Variants in NTM observed in about 807,000 individuals in gnomAD.
The protein encoded by NTM is neurotrimin.
In NTM, 13 loss-of-function variants were observed where a neutral mutation model predicts 42.1. The ratio of observed to expected loss-of-function variants is 0.31; its 90% CI spans 0.20 to 0.49. The LOEUF (loss-of-function observed/expected upper bound fraction) is 0.49. NTM is among the 20% of genes least tolerant of loss of function. The pLI, the probability that NTM is intolerant of heterozygous loss-of-function variation, is 0.99. For synonymous variants in NTM, 187 were observed against 179.2 expected (o/e 1.04, Z -0.35); for missense variants, 373 against 452.8 (o/e 0.82, Z 1.60).
chr11:132,081,892 A>AAC (rs2059110121), intron 2 of NTM, among the ~76,000 whole-genome samples: 4 of 149,098 alleles, frequency 2.7e-5, no homozygotes, highest in Admixed American at 2.0e-4. Context: ...AGCAAGACTA[A>AAC]ATATATATAT....
In NTM at chr11:131,561,465, T is replaced by A. The variant is rs144066952; in HGVS notation, c.82+190577T>A. On this transcript the variant is annotated intron_variant, in intron 1 of 8. Coordinates refer to ENST00000683400, the MANE Select transcript of NTM (RefSeq NM_001352005.2). ...TGGAAACAAAAGTTCCCCCATCCAT[T>A]GTATCCATGAAGAAGACAGAGTGAA... 6.6e-5 allele frequency among the ~76,000 whole-genome samples: 10 copies of A among 152,294 alleles called. No homozygotes were observed. The East Asian group carries it at 1.9e-3, about 29-fold the overall frequency.
At chr11:132,318,438 A>G (rs1424708761) in intron 7 of NTM, among the ~76,000 whole-genome samples, 1 of 152,156 alleles carries the variant, frequency 6.6e-6, no homozygotes, top group Non-Finnish European at 1.5e-5. Context: ...GTGGAACATC[A>G]TAGGGGGTCC....
chr11:131,908,740 T>C (rs115926210), intron 1 of NTM, among the ~76,000 whole-genome samples: 1,624 of 152,356 alleles, frequency 0.011, 30 homozygotes, highest in African/African-American at 0.037. Flanking sequence ...TATATCATCA[T>C]ATTTATCTTA....
chr11:131,795,051 A>G, intron 1 of NTM: 12 of 855,322 alleles, frequency 1.4e-5, no homozygotes, highest in Non-Finnish European at 1.5e-5. Flanking sequence ...GGGGGGAAAA[A>G]AACAGCACTA....
chr11:131,598,735 CT>C (rs1364475583), intron 1 of NTM, among the ~76,000 whole-genome samples: 2,160 of 91,234 alleles, frequency 0.024, 127 homozygotes, highest in African/African-American at 0.029. Flanking sequence ...TTCTTTCTTT[CT>C]TTCTTTCTTT....
chr11:131,404,234 C>T (rs1424142496), intron 1 of NTM, among the ~76,000 whole-genome samples: 4 of 152,160 alleles, frequency 2.6e-5, no homozygotes, highest in African/African-American at 7.2e-5. Context: ...CCCACTAAAG[C>T]TACTCTCATC....
At chr11:132,181,772 A>C (rs1013196296) in intron 3 of NTM, among the ~76,000 whole-genome samples, 2 of 152,124 alleles carry the variant, frequency 1.3e-5, no homozygotes, top group African/African-American at 4.8e-5. Context: ...AATGCTGGAC[A>C]TCCCAACAGG....
Position 132,146,770 on chromosome 11 carries a change from GCT to G in NTM, c.400+259_400+260del. On this transcript the variant is annotated intron_variant, in intron 3 of 8. Transcript: ENST00000683400. The surrounding 1 kb of genome is among the most constrained non-coding windows in gnomAD (Gnocchi z 4.5). ...CTCAGGAAATTATCTTGTAATTATT[GCT>G]CTTCTTGGCTTTTTTCTCCCCTAAG... 2.3e-6 allele frequency: 1 copy of G among 429,374 alleles called. No homozygotes were observed. The highest frequency in any genetic ancestry group is 4.1e-6 in the Non-Finnish European group (1 of 245,174). 26.6% of individuals were successfully genotyped at this position (429,374 alleles called of 1,614,324 possible).
chr11:131,702,458 A>G (rs1209209860), intron 1 of NTM, among the ~76,000 whole-genome samples: 1 of 152,178 alleles, frequency 6.6e-6, no homozygotes, highest in Non-Finnish European at 1.5e-5. Flanking sequence ...GAGACCCAGC[A>G]TCTTGTCCAA....
intron 1 of NTM, among the ~76,000 whole-genome samples, chr11:131,429,766 G>C (rs560251078): frequency 6.6e-6 from 1 of 152,076 alleles, no homozygotes; most frequent in Non-Finnish European, 1.5e-5. Context: ...ACAGTGTTGC[G>C]CTAATTGCAT....
At chr11:131,699,780 G>A (rs149675873) in intron 1 of NTM, among the ~76,000 whole-genome samples, 6 of 152,174 alleles carry the variant, frequency 3.9e-5, no homozygotes, top group African/African-American at 1.4e-4. Context: ...CAGCATGAAG[G>A]TAACCACCCC....
chr11:131,516,674 CT>C (rs2048933995), intron 1 of NTM, among the ~76,000 whole-genome samples: 1 of 152,188 alleles, frequency 6.6e-6, no homozygotes, highest in Admixed American at 6.5e-5. Context: ...AATTGGCCCC[CT>C]GACCCTTTAA....
rs1233764168 is a variant in NTM at position 131,641,029 on chromosome 11, ACAAG to A, written c.82+270145_82+270148del. On this transcript the variant is annotated intron_variant, in intron 1 of 8. Transcript: ENST00000683400. Reference sequence around the variant, plus strand: ...CTCAAGAGACCCGAAATTGGTCTACACAAGCAACCGCATATTCTTAGGAGCAGTC... The same window carrying A: ...CTCAAGAGACCCGAAATTGGTCTACACAACCGCATATTCTTAGGAGCAGTC... Among the ~76,000 whole-genome samples, 15 of 152,324 alleles carry A rather than the reference ACAAG, an allele frequency of 9.8e-5. 1 individual carries two copies. The highest frequency in any genetic ancestry group is 3.4e-4 in the African/African-American group (14 of 41,574).
chr11:131,911,499 C>T (rs2054997018), intron 1 of NTM, 65 bp from the exon 2 acceptor site: 10 of 1,614,120 alleles, frequency 6.2e-6, no homozygotes, highest in Non-Finnish European at 8.5e-6. Context: ...TCTGTGGGTA[C>T]CTGTTCCTGC....
At chr11:131,660,855 C>A in intron 1 of NTM, 1 of 1,227,466 alleles carries the variant, frequency 8.1e-7, no homozygotes, top group Middle Eastern at 2.3e-4. Context: ...GTTTCAAAGT[C>A]GGAAGCTGGC....
intron 1 of NTM, among the ~76,000 whole-genome samples, chr11:131,645,218 A>G (rs1218371780): frequency 2.0e-5 from 3 of 152,196 alleles, no homozygotes; most frequent in Non-Finnish European, 4.4e-5. Flanking sequence ...AGGTGATAAG[A>G]AAGCAGCAGG....
chr11:132,027,843 A>T (rs1202365473), intron 2 of NTM, among the ~76,000 whole-genome samples: 6 of 152,096 alleles, frequency 3.9e-5, no homozygotes, highest in African/African-American at 1.4e-4. Context: ...TCTTTCTCCC[A>T]TCTACGTCTA....
At chr11:131,453,097 A>G (rs1026950377) in intron 1 of NTM, among the ~76,000 whole-genome samples, 6 of 152,162 alleles carry the variant, frequency 3.9e-5, no homozygotes, top group African/African-American at 1.4e-4. Flanking sequence ...TGCTTTCTGA[A>G]TCTCTAAGTC....
chr11:132,241,319 A>G (rs1029473564), intron 4 of NTM, among the ~76,000 whole-genome samples: 5 of 152,132 alleles, frequency 3.3e-5, no homozygotes, highest in African/African-American at 4.8e-5. Context: ...TCCTTTTGGC[A>G]TATAAAGCCT....
Sources: gnomAD v4.1 joint callset for allele counts (sites outside exome capture counted in the v4.1 genomes callset) on GRCh38, gnomAD v4.1.1 for gene constraint, Gnocchi (gnomAD v3.1) non-coding constraint, MANE v1.5 for transcripts, NCBI Gene and HGNC (gene_info 2026-07-23, HGNC 2026-07-21) for gene names.